DDX21: variants seen among roughly 807,000 people sequenced by gnomAD.
DDX21 encodes DExD-box helicase 21.
Under a neutral mutation model 90.0 loss-of-function variants are expected in DDX21, and 18 were observed. The ratio of observed to expected loss-of-function variants is 0.20; its 90% CI spans 0.14 to 0.30. The LOEUF (loss-of-function observed/expected upper bound fraction) is 0.30. Ranked by LOEUF, DDX21 falls within the 10% of genes least tolerant of loss-of-function variation. The pLI is 1.00. For missense variants in DDX21, 673 were observed against 944.5 expected (o/e 0.71, Z 3.77); for synonymous variants, 294 against 318.0 (o/e 0.92, Z 0.80).
chr10:68,982,939 C>A lies in DDX21; in HGVS notation c.*127C>A. ...TTGACCACTTGCCAAGTCCCTGTCT[C>A]TTTCAGACACAGACAAGCTTCATTT... is the stretch of plus-strand genomic sequence containing the variant. On this transcript the variant is annotated 3_prime_UTR_variant, in exon 15 of 15. Coordinates refer to ENST00000354185, the MANE Select transcript of DDX21 (RefSeq NM_004728.4). 8.8e-7 allele frequency: 1 copy of A among 1,135,924 alleles called. No individual in the cohort carries two copies. Among genetic ancestry groups the A allele is most frequent in the South Asian group, 1.7e-5 (1 of 60,150 alleles). The allele number at this position is 1,135,924 out of a possible 1,614,324, so 70.4% of individuals were successfully genotyped here.
Position 68,981,559 on chromosome 10 carries a change from C to T in DDX21, c.2060C>T (p.Thr687Ile). 1 of 1,612,860 alleles carries T rather than the reference C, an allele frequency of 6.2e-7. No homozygotes were observed. Among genetic ancestry groups the T allele is most frequent in the Non-Finnish European group, 8.5e-7 (1 of 1,179,580 alleles). ...GKLGVCFDVP[T>I]ASVTEIQEKW... The stretch of plus-strand genomic sequence containing the variant: ...TAGGGTGTTTGCTTTGATGTACCTA[C>T]CGCATCAGTAACAGAAATACAGGTA... The change falls in exon 14 of 15, where the codon ACC (threonine) becomes ATC (isoleucine). Residue 687 changes from threonine (T) to isoleucine (I), a missense_variant. This residue lies in a region of DDX21 where 225 missense variants were observed against 298.8 expected (regional missense o/e 0.75). Transcript: ENST00000354185.
chr10:68,976,939 CTTTTA>C (rs1360666211), intron 11 of DDX21, among the ~76,000 whole-genome samples: 2 of 151,624 alleles, frequency 1.3e-5, no homozygotes, highest in African/African-American at 4.8e-5. Context: ...TTTCTTATTT[CTTTTA>C]TTTTCTTTTT....
chr10:68,980,132 C>G (rs1321175830), intron 13 of DDX21, among the ~76,000 whole-genome samples: 1 of 152,080 alleles, frequency 6.6e-6, no homozygotes, highest in Non-Finnish European at 1.5e-5. Flanking sequence ...CCCAGCTACT[C>G]AGGAGGCTGA....
At chr10:68,965,057 C>G (rs1319500838) in intron 4 of DDX21, among the ~76,000 whole-genome samples, 2 of 152,180 alleles carry the variant, frequency 1.3e-5, no homozygotes, top group East Asian at 1.9e-4. Context: ...CAAATTTTCT[C>G]TACTGTAGAG....
In DDX21 at chr10:68,963,361, A is replaced by G. The variant is rs1842897809; in HGVS notation, c.678A>G (p.Leu226=). 16 of 1,614,200 alleles carry G rather than the reference A, an allele frequency of 9.9e-6. 1 individual carries two copies. The East Asian group carries it at 3.3e-4, about 34-fold the overall frequency. Residue 226 remains leucine (L), a synonymous_variant, in exon 4 of 15, where the codon TTA becomes TTG. Coordinates refer to ENST00000354185, the MANE Select transcript of DDX21 (RefSeq NM_004728.4). ...TFHHVYSGKD[L]IAQARTGTGK... Reference sequence around the variant, plus strand: ...ATCATGTTTACAGCGGGAAGGACTTAATTGCACAGGCACGGACAGGAACTG... The same window carrying G: ...ATCATGTTTACAGCGGGAAGGACTTGATTGCACAGGCACGGACAGGAACTG...
At chr10:68,960,775 A>T (rs1484167274) in intron 2 of DDX21, among the ~76,000 whole-genome samples, 1 of 6,086 alleles carries the variant, frequency 1.6e-4, no homozygotes, top group Non-Finnish European at 2.9e-4. Context: ...CTCTGTCTTT[A>T]AAAAAAAAAA....
At chr10:68,964,114 A>G in intron 4 of DDX21, 1 of 431,150 alleles carries the variant, frequency 2.3e-6, no homozygotes, top group South Asian at 1.7e-5. Context: ...AAAAAAAAAA[A>G]AAAAAAGAAA....
intron 2 of DDX21, 71 bp downstream of exon 2, chr10:68,960,320 A>G (rs773425897): frequency 6.9e-6 from 10 of 1,443,226 alleles, no homozygotes; most frequent in African/African-American, 1.4e-5. Flanking sequence ...GGTAACTGCT[A>G]TATGTACTCT....
chr10:68,974,112 T>C (rs1172773337), intron 10 of DDX21, among the ~76,000 whole-genome samples: 1 of 152,088 alleles, frequency 6.6e-6, no homozygotes, highest in Admixed American at 6.5e-5. Flanking sequence ...TTTCAAAGAA[T>C]AGAGTAAGGT....
At chr10:68,966,734 C>T (rs1842943806) in intron 5 of DDX21, among the ~76,000 whole-genome samples, 1 of 152,176 alleles carries the variant, frequency 6.6e-6, no homozygotes, top group African/African-American at 2.4e-5. Flanking sequence ...ACCCACCACG[C>T]CCGGCTGCAT....
chr10:68,956,214 C>T lies in DDX21; in HGVS notation c.-12C>T. On this transcript the variant is annotated 5_prime_UTR_variant, in exon 1 of 15. Coordinates refer to ENST00000354185, the MANE Select transcript of DDX21 (RefSeq NM_004728.4). ...TGAGAAGACCGGTCGGCCTGGGCAA[C>T]CTGCGCTGAAGATGCCGGGAAAACT... 1 of 1,613,862 alleles carries T rather than the reference C, an allele frequency of 6.2e-7. No homozygotes were observed. Among genetic ancestry groups the T allele is most frequent in the Non-Finnish European group, 8.5e-7 (1 of 1,179,880 alleles).
chr10:68,968,106 A>G (rs1349403033), intron 6 of DDX21, among the ~76,000 whole-genome samples: 1 of 151,216 alleles, frequency 6.6e-6, no homozygotes, highest in Non-Finnish European at 1.5e-5. Context: ...CTTGGACTCA[A>G]GTGATCTTCC....
chr10:68,968,928 G>T, intron 6 of DDX21, 48 bp from the exon 7 acceptor site: 1 of 1,600,180 alleles, frequency 6.2e-7, no homozygotes, highest in South Asian at 1.1e-5. Flanking sequence ...TACTATGTAG[G>T]CTTGTTTGGA....
In DDX21 at chr10:68,960,241, A is replaced by G. The variant is rs141453413; in HGVS notation, c.523A>G (p.Ile175Val). 3 of 1,597,832 alleles carry G rather than the reference A, an allele frequency of 1.9e-6. No homozygotes were observed. The highest frequency in any genetic ancestry group is 2.7e-5 in the African/African-American group (2 of 73,662). The change falls in exon 2 of 15, where the codon ATA (isoleucine) becomes GTA (valine). Residue 175 changes from isoleucine to valine, a missense_variant. Around this residue, in one of 4 missense-constraint regions of DDX21, gnomAD observed 204 missense variants for 221.6 expected, o/e 0.92. Transcript: ENST00000354185. The part of the protein sequence containing the change: ...EAASEESNSE[I>V]EQEIPVEQKE... ...TGCCAGTGAAGAAAGTAACAGTGAG[A>G]TAGAGCAGGTACATTTGCACTTCAT...
Position 68,956,205 on chromosome 10 carries a change from C to G in DDX21, c.-21C>G. The G allele has an allele frequency of 6.2e-7, 1 of 1,613,198 alleles. No homozygotes were observed. Among genetic ancestry groups the G allele is most frequent in the Non-Finnish European group, 8.5e-7 (1 of 1,179,508 alleles). ...CCACGCGGTTGAGAAGACCGGTCGG[C>G]CTGGGCAACCTGCGCTGAAGATGCC... On this transcript the variant is annotated 5_prime_UTR_variant, in exon 1 of 15. Coordinates refer to ENST00000354185, the MANE Select transcript of DDX21 (RefSeq NM_004728.4).
intron 5 of DDX21, 35 bp downstream of exon 5, chr10:68,965,529 C>T (rs1564626741): frequency 1.4e-6 from 2 of 1,473,808 alleles, no homozygotes; most frequent in Middle Eastern, 1.7e-4. Flanking sequence ...AGGTATAATG[C>T]CACCCATTGT....
At chr10:68,980,273 T>C (rs1187963375) in intron 13 of DDX21, among the ~76,000 whole-genome samples, 1 of 152,104 alleles carries the variant, frequency 6.6e-6, no homozygotes, top group Non-Finnish European at 1.5e-5. Flanking sequence ...ATAAATCTTT[T>C]CCTCCAAAGT....
At position 68,982,806 on chromosome 10, in the gene DDX21, T is replaced by C. The variant is rs755864709; in HGVS notation, c.2346T>C (p.Gly782=). The C allele has an allele frequency of 6.2e-7, 1 of 1,613,898 alleles. No individual in the cohort carries two copies. Among genetic ancestry groups the C allele is most frequent in the South Asian group, 1.1e-5 (1 of 91,080 alleles). ...AGCGGAGTTTCAGTAAAGCATTTGGTCAATAATTAGAAATAGAAGATTTAT... is the reference window on the plus strand; with the variant it reads ...AGCGGAGTTTCAGTAAAGCATTTGGCCAATAATTAGAAATAGAAGATTTAT... ...GQKRSFSKAF[G]Q is the part of the protein sequence containing the mutation. The change falls in exon 15 of 15, where the codon GGT becomes GGC. Residue 782 remains glycine, a synonymous_variant. Transcript: ENST00000354185.
Position 68,974,698 on chromosome 10 carries a change from C to A in DDX21, c.1697C>A (p.Pro566His). 1 of 1,613,966 alleles carries A rather than the reference C, an allele frequency of 6.2e-7. No individual in the cohort carries two copies. The highest frequency in any genetic ancestry group is 8.5e-7 in the Non-Finnish European group (1 of 1,179,950). ...AGIKFKRIGV[P>H]SATEIIKASS... ...ATTAAGTTCAAACGAATAGGTGTTC[C>A]TTCTGCAACAGAAATAATAAAAGCT... Residue 566 changes from proline (P) to histidine (H), a missense_variant, in exon 11 of 15, where the codon CCT (proline) becomes CAT (histidine). Transcript: ENST00000354185.
Sources: allele counts gnomAD v4.1 joint callset (sites outside exome capture counted in the v4.1 genomes callset), GRCh38; gene constraint gnomAD v4.1.1; regional missense constraint gnomAD v4.1.1; transcripts MANE v1.5; gene names NCBI Gene and HGNC (gene_info 2026-07-23, HGNC 2026-07-21).